The following IQCM variants were observed in gnomAD, a reference collection of about 807,000 sequenced individuals.
IQCM encodes the protein IQ motif containing M.
Under a neutral mutation model 57.6 loss-of-function variants are expected in IQCM, and 45 were observed. The observed-to-expected ratio is 0.78, with a 90% CI of 0.62 to 1.00. IQCM has a LOEUF of 1.00. Ranked by LOEUF, IQCM falls within the 50% of genes least tolerant of loss-of-function variation. The probability of loss-of-function intolerance (pLI) is 0.00; values close to 1 mark genes in which losing one functional copy is unlikely to be tolerated. For missense variants in IQCM, 468 were observed against 511.6 expected (o/e 0.91, Z 0.82); for synonymous variants, 148 against 158.9 (o/e 0.93, Z 0.51).
At chr4:149,425,025 G>T (rs1020247092) in intron 13 of IQCM, among the ~76,000 whole-genome samples, 7 of 151,900 alleles carry the variant, frequency 4.6e-5, no homozygotes, top group African/African-American at 1.7e-4. Context: ...CCATTCAGTA[G>T]CTGCATGACT....
At chr4:149,398,825 T>G (rs1461449007) in intron 13 of IQCM, among the ~76,000 whole-genome samples, 2 of 151,956 alleles carry the variant, frequency 1.3e-5, no homozygotes, top group Non-Finnish European at 2.9e-5. Context: ...TCCTGACTCA[T>G]TCTCCTGAGC....
chr4:149,586,244 G>T (rs1752633653), intron 9 of IQCM, among the ~76,000 whole-genome samples: 1 of 151,638 alleles, frequency 6.6e-6, no homozygotes, highest in South Asian at 2.1e-4. Context: ...TTTAGAGGAA[G>T]TCTCTCCGTG....
chr4:149,514,018 GTTTT>G (rs1744694485), intron 12 of IQCM, among the ~76,000 whole-genome samples: 1 of 151,902 alleles, frequency 6.6e-6, no homozygotes, highest in African/African-American at 2.4e-5. Context: ...TGTTATGTTT[GTTTT>G]ATGTGTCACT....
chr4:149,643,427 A>C (rs1457335822), intron 7 of IQCM, among the ~76,000 whole-genome samples: 2 of 152,210 alleles, frequency 1.3e-5, no homozygotes, highest in Non-Finnish European at 2.9e-5. Flanking sequence ...AAGACAAAGC[A>C]ACTCTACCAG....
intron 9 of IQCM, among the ~76,000 whole-genome samples, chr4:149,568,418 T>A (rs1008346466): frequency 1.3e-5 from 2 of 152,156 alleles, no homozygotes; most frequent in Non-Finnish European, 2.9e-5. Flanking sequence ...CTGTCCTGTT[T>A]ATCAAATCTC....
At chr4:149,400,569 A>C (rs998093667) in intron 13 of IQCM, among the ~76,000 whole-genome samples, 1 of 152,076 alleles carries the variant, frequency 6.6e-6, no homozygotes, top group Non-Finnish European at 1.5e-5. Context: ...TTTTAAATTC[A>C]ATTTTTGATA....
At chr4:149,657,747 C>A (rs1759761984) in intron 7 of IQCM, among the ~76,000 whole-genome samples, 1 of 151,698 alleles carries the variant, frequency 6.6e-6, no homozygotes, top group African/African-American at 2.4e-5. Context: ...TTTATGTTTT[C>A]TTGACGATTA....
chr4:149,508,022 C>G (rs1744005609), intron 12 of IQCM, among the ~76,000 whole-genome samples: 1 of 151,734 alleles, frequency 6.6e-6, no homozygotes, highest in Admixed American at 6.6e-5. Context: ...TGGAAGCTGC[C>G]AAGCCTTGGC....
At chr4:149,645,831 C>T (rs564250115) in intron 7 of IQCM, among the ~76,000 whole-genome samples, 1 of 152,104 alleles carries the variant, frequency 6.6e-6, no homozygotes. Context: ...CCTCACCTAT[C>T]CCCTCCCAGA....
intron 13 of IQCM, among the ~76,000 whole-genome samples, chr4:149,410,163 A>G (rs1733273392): frequency 6.6e-6 from 1 of 152,188 alleles, no homozygotes; most frequent in Non-Finnish European, 1.5e-5. Flanking sequence ...AGCCTGGGCT[A>G]CAGAGCAAGG....
chr4:149,353,401 C>G (rs921324097), intron 13 of IQCM, among the ~76,000 whole-genome samples: 8 of 152,098 alleles, frequency 5.3e-5, no homozygotes, highest in Admixed American at 4.6e-4. Flanking sequence ...AAAAATAGAA[C>G]TACCCTAAGA....
intron 12 of IQCM, among the ~76,000 whole-genome samples, chr4:149,504,750 T>C (rs1021645141): frequency 6.6e-6 from 1 of 152,068 alleles, no homozygotes; most frequent in African/African-American, 2.4e-5. Flanking sequence ...CTGTCTCTAC[T>C]AAAAATACAA....
intron 12 of IQCM, among the ~76,000 whole-genome samples, chr4:149,471,060 T>C (rs1323774542): frequency 1.3e-5 from 2 of 151,962 alleles, no homozygotes; most frequent in South Asian, 2.1e-4. Flanking sequence ...TTAAAAGAAC[T>C]GGAGAAGCAA....
chr4:149,494,334 C>A (rs1452364595), intron 12 of IQCM, among the ~76,000 whole-genome samples: 2 of 152,022 alleles, frequency 1.3e-5, no homozygotes, highest in African/African-American at 2.4e-5. Flanking sequence ...CCAGCAGCAA[C>A]CAAGGAAACG....
intron 12 of IQCM, among the ~76,000 whole-genome samples, chr4:149,439,725 TCTGA>T (rs1395702169): frequency 1.3e-5 from 2 of 152,142 alleles, no homozygotes; most frequent in African/African-American, 4.8e-5. Context: ...GAGACTTTGC[TCTGA>T]CTAAAGACAA....
chr4:149,479,641 C>T (rs1740564157), intron 12 of IQCM, among the ~76,000 whole-genome samples: 1 of 152,208 alleles, frequency 6.6e-6, no homozygotes, highest in Non-Finnish European at 1.5e-5. Flanking sequence ...CCTTCCCTTT[C>T]TGAACAAGTC....
chr4:149,675,409 A>G (rs1315587118), intron 7 of IQCM, among the ~76,000 whole-genome samples: 1 of 151,914 alleles, frequency 6.6e-6, no homozygotes. Context: ...TGGGAGGAAA[A>G]AAAACCAGCA....
chr4:149,438,185 C>G (rs1319232953), intron 12 of IQCM, among the ~76,000 whole-genome samples: 3 of 151,674 alleles, frequency 2.0e-5, no homozygotes, highest in Non-Finnish European at 4.4e-5. Flanking sequence ...TGTACTGGTA[C>G]TATTAACTAA....
intron 3 of IQCM, among the ~76,000 whole-genome samples, chr4:149,739,143 T>C (rs992874095): frequency 7.9e-5 from 12 of 152,132 alleles, no homozygotes; most frequent in Admixed American, 6.6e-4. Flanking sequence ...ATGAAAACTA[T>C]ACTTATAACT....
Sources: gnomAD v4.1 joint callset for allele counts (sites outside exome capture counted in the v4.1 genomes callset) on GRCh38, gnomAD v4.1.1 for gene constraint, MANE v1.5 for transcripts, NCBI Gene and HGNC (gene_info 2026-07-23, HGNC 2026-07-21) for gene names.